CDK14: variants seen among roughly 807,000 people sequenced by gnomAD.
The protein encoded by CDK14 is cyclin dependent kinase 14.
CDK14 carries 34 observed loss-of-function variants against 60.7 expected under a neutral mutation model. The ratio of observed to expected loss-of-function variants is 0.56; its 90% CI spans 0.43 to 0.75. CDK14 has a LOEUF of 0.75. CDK14 is among the 30% of genes least tolerant of loss of function. The pLI, the probability that CDK14 is intolerant of heterozygous loss-of-function variation, is 0.00. For missense variants in CDK14, 482 were observed against 564.1 expected (o/e 0.85, Z 1.47); for synonymous variants, 197 against 203.7 (o/e 0.97, Z 0.28).
At chr7:91,162,089 C>A (rs1194372946) in intron 14 of CDK14, among the ~76,000 whole-genome samples, 2 of 152,248 alleles carry the variant, frequency 1.3e-5, no homozygotes, top group Middle Eastern at 3.4e-3. Context: ...GAAAGAGAGG[C>A]ACATAAAAGT....
At chr7:90,901,408 A>G (rs944106007) in intron 7 of CDK14, among the ~76,000 whole-genome samples, 1 of 152,148 alleles carries the variant, frequency 6.6e-6, no homozygotes, top group African/African-American at 2.4e-5. Flanking sequence ...TCACCGATAG[A>G]TGACTTACTA....
chr7:91,134,562 A>G (rs1241733235), intron 14 of CDK14, among the ~76,000 whole-genome samples: 2 of 152,130 alleles, frequency 1.3e-5, no homozygotes, highest in Admixed American at 1.3e-4. Flanking sequence ...AAATTTTGAG[A>G]AGAAAATTTC....
chr7:90,786,185 A>G (rs1006363864), intron 4 of CDK14, among the ~76,000 whole-genome samples: 7 of 152,228 alleles, frequency 4.6e-5, no homozygotes, highest in Non-Finnish European at 7.3e-5. Context: ...ATGGCTCTCT[A>G]TACAGCTTAA....
intron 12 of CDK14, among the ~76,000 whole-genome samples, chr7:91,091,946 T>C (rs1320606852): frequency 2.0e-5 from 3 of 152,090 alleles, no homozygotes; most frequent in Non-Finnish European, 4.4e-5. Flanking sequence ...AGCTTCTGAT[T>C]CATGTTAGAG....
chr7:90,769,579 GC>G (rs973873464), intron 4 of CDK14, among the ~76,000 whole-genome samples: 9 of 150,910 alleles, frequency 6.0e-5, no homozygotes, highest in African/African-American at 2.2e-4. Context: ...CGATTCTCCT[GC>G]CTCAGCCTCC....
intron 14 of CDK14, among the ~76,000 whole-genome samples, chr7:91,164,354 A>G (rs538568690): frequency 3.9e-5 from 6 of 152,328 alleles, no homozygotes; most frequent in African/African-American, 1.4e-4. Context: ...AAAGTCCTGT[A>G]CGTGTTACTC....
At chr7:91,130,972 C>T (rs1309245664) in intron 14 of CDK14, among the ~76,000 whole-genome samples, 1 of 152,080 alleles carries the variant, frequency 6.6e-6, no homozygotes, top group Non-Finnish European at 1.5e-5. Flanking sequence ...GGTCTTTTCC[C>T]GCCGAGCTCC....
At chr7:90,654,002 A>C (rs1282405601) in intron 2 of CDK14, among the ~76,000 whole-genome samples, 1 of 152,174 alleles carries the variant, frequency 6.6e-6, no homozygotes, top group Non-Finnish European at 1.5e-5. Context: ...TGAACTCATC[A>C]TTTTTTATGG....
chr7:90,608,586 C>T, intron 2 of CDK14: 1 of 977,674 alleles, frequency 1.0e-6, no homozygotes, highest in Non-Finnish European at 1.2e-6. Flanking sequence ...GTGAGAAATA[C>T]AAAATTTTTA....
At chr7:91,141,062 G>A (rs1800441495) in intron 14 of CDK14, among the ~76,000 whole-genome samples, 1 of 152,144 alleles carries the variant, frequency 6.6e-6, no homozygotes, top group Non-Finnish European at 1.5e-5. Context: ...TGGGAAAAGA[G>A]ATGCAAGAGA....
chr7:91,130,419 G>C (rs1278435306), intron 14 of CDK14, among the ~76,000 whole-genome samples: 2 of 152,064 alleles, frequency 1.3e-5, no homozygotes, highest in African/African-American at 4.8e-5. Context: ...AACCATAGAA[G>C]CAAAAGTTCT....
In CDK14 at chr7:91,135,890, C is replaced by A. The variant is rs531454033; in HGVS notation, c.*28+17682C>A. On this transcript the variant is annotated intron_variant, in intron 14 of 14. Coordinates refer to ENST00000380050, the MANE Select transcript of CDK14 (RefSeq NM_001287135.2). Reference sequence around the variant, plus strand: ...GAAGTTCCAAGGATGTCTTTTAGAGCCGGACTCAGTGAGTCATACCATCAA... The same window carrying A: ...GAAGTTCCAAGGATGTCTTTTAGAGACGGACTCAGTGAGTCATACCATCAA... Among the ~76,000 whole-genome samples the A allele has an allele frequency of 2.6e-5, 4 of 152,196 alleles. No homozygotes were observed. The East Asian group carries it at 5.8e-4, about 22-fold the overall frequency.
chr7:90,665,805 G>A (rs1800966466), intron 2 of CDK14, among the ~76,000 whole-genome samples: 1 of 135,320 alleles, frequency 7.4e-6, no homozygotes, highest in African/African-American at 2.8e-5. Context: ...TTATACCTTG[G>A]CTGAAGTTTG....
intron 12 of CDK14, among the ~76,000 whole-genome samples, chr7:91,087,781 G>T (rs1370944985): frequency 6.6e-6 from 1 of 151,954 alleles, no homozygotes; most frequent in Non-Finnish European, 1.5e-5. Context: ...TACCTTCTTA[G>T]GGGCACATGC....
chr7:90,697,790 C>T (rs1056455281), intron 2 of CDK14, among the ~76,000 whole-genome samples: 3 of 151,860 alleles, frequency 2.0e-5, no homozygotes, highest in African/African-American at 4.8e-5. Flanking sequence ...GTGTTGCGGC[C>T]GGGCACGGTG....
At chr7:90,694,834 A>G (rs1801623312) in intron 2 of CDK14, among the ~76,000 whole-genome samples, 1 of 152,238 alleles carries the variant, frequency 6.6e-6, no homozygotes, top group African/African-American at 2.4e-5. Flanking sequence ...AAGGTTTGTG[A>G]GCAAGAAACT....
intron 6 of CDK14, among the ~76,000 whole-genome samples, chr7:90,875,944 CT>C (rs1363632840): frequency 2.0e-5 from 3 of 152,100 alleles, no homozygotes; most frequent in African/African-American, 7.2e-5. Context: ...TCTTTTCTTA[CT>C]AATATTTTCT....
chr7:91,173,370 G>A (rs1801591980), intron 14 of CDK14, among the ~76,000 whole-genome samples: 1 of 151,784 alleles, frequency 6.6e-6, no homozygotes, highest in Admixed American at 6.6e-5. Context: ...GGAGCAATGG[G>A]ATCACTTGAG....
At chr7:91,186,764 C>T (rs576394998) in intron 14 of CDK14, among the ~76,000 whole-genome samples, 101 of 152,136 alleles carry the variant, frequency 6.6e-4, no homozygotes, top group African/African-American at 2.2e-3. Flanking sequence ...TTCATTTTTT[C>T]TTTAAATTCT....
Sources: gnomAD v4.1 joint callset for allele counts (sites outside exome capture counted in the v4.1 genomes callset) on GRCh38, gnomAD v4.1.1 for gene constraint, MANE v1.5 for transcripts, NCBI Gene and HGNC (gene_info 2026-07-23, HGNC 2026-07-21) for gene names.